The following CTNNA3 variants were observed in gnomAD, a reference collection of about 807,000 sequenced individuals.
CTNNA3 encodes the protein catenin alpha 3.
A neutral mutation model predicts 95.7 loss-of-function variants in CTNNA3; 76 were observed. The observed-to-expected ratio is 0.79, with a 90% CI of 0.66 to 0.96. CTNNA3 has a LOEUF of 0.96. CTNNA3 is among the 40% of genes least tolerant of loss of function. The pLI is 0.00. For missense variants in CTNNA3, 1,191 were observed against 1,089.8 expected (o/e 1.09, Z -1.31); for synonymous variants, 431 against 374.4 (o/e 1.15, Z -1.74).
chr10:66,014,664 A>G (rs1464830147), intron 15 of CTNNA3, among the ~76,000 whole-genome samples: 3 of 152,184 alleles, frequency 2.0e-5, no homozygotes, highest in African/African-American at 7.2e-5. Flanking sequence ...CGCTAGGCCA[A>G]TGTAGCTACT....
At chr10:66,136,123 C>A (rs992035063) in intron 13 of CTNNA3, among the ~76,000 whole-genome samples, 3 of 152,032 alleles carry the variant, frequency 2.0e-5, no homozygotes, top group African/African-American at 7.2e-5. Flanking sequence ...AGGATGGTCT[C>A]GATCTCCTGA....
intron 2 of CTNNA3, among the ~76,000 whole-genome samples, chr10:67,638,915 T>C (rs1589520210): frequency 6.6e-6 from 1 of 152,128 alleles, no homozygotes; most frequent in East Asian, 1.9e-4. Flanking sequence ...AGGAAAGATC[T>C]AAAATTGACA....
intron 11 of CTNNA3, among the ~76,000 whole-genome samples, chr10:66,482,473 A>T (rs926056069): frequency 1.3e-5 from 2 of 152,156 alleles, no homozygotes; most frequent in Non-Finnish European, 2.9e-5. Flanking sequence ...ACCAAAGCTT[A>T]GGGGAATTTC....
At chr10:67,620,191 C>T (rs1366077735) in intron 2 of CTNNA3, among the ~76,000 whole-genome samples, 5 of 152,132 alleles carry the variant, frequency 3.3e-5, no homozygotes, top group Non-Finnish European at 7.3e-5. Context: ...CCTGGAGAAA[C>T]CACAGACCCT....
intron 3 of CTNNA3, among the ~76,000 whole-genome samples, chr10:67,554,313 T>C (rs1309818916): frequency 1.3e-5 from 2 of 152,230 alleles, no homozygotes; most frequent in Non-Finnish European, 2.9e-5. Context: ...TTTCTGGTTC[T>C]ACATCCTTGA....
At chr10:66,734,720 G>A (rs541486612) in intron 9 of CTNNA3, among the ~76,000 whole-genome samples, 122 of 151,934 alleles carry the variant, frequency 8.0e-4, no homozygotes, top group Middle Eastern at 3.4e-3. Context: ...AAAATTAGCC[G>A]GGCGTGGTGG....
chr10:66,466,253 C>A (rs116713981), intron 11 of CTNNA3, among the ~76,000 whole-genome samples: 2 of 150,294 alleles, frequency 1.3e-5, no homozygotes, highest in Non-Finnish European at 3.0e-5. Flanking sequence ...TGCCAGTCTC[C>A]GAAATTGTAC....
chr10:67,000,819 T>G (rs1241460862), intron 7 of CTNNA3, among the ~76,000 whole-genome samples: 1 of 152,110 alleles, frequency 6.6e-6, no homozygotes, highest in Non-Finnish European at 1.5e-5. Flanking sequence ...CCAGTGCAAT[T>G]CTGTAAAAGC....
chr10:66,734,310 T>A (rs1365904260), intron 9 of CTNNA3, among the ~76,000 whole-genome samples: 1 of 152,074 alleles, frequency 6.6e-6, no homozygotes, highest in Admixed American at 6.5e-5. Flanking sequence ...CCAGTAATTA[T>A]CTTCCTTATT....
intron 10 of CTNNA3, among the ~76,000 whole-genome samples, chr10:66,606,525 C>T (rs1844128793): frequency 6.6e-6 from 1 of 152,136 alleles, no homozygotes; most frequent in African/African-American, 2.4e-5. Flanking sequence ...ACATAACACA[C>T]TCCTCAGCAA....
intron 14 of CTNNA3, among the ~76,000 whole-genome samples, chr10:66,102,852 T>C (rs897592012): frequency 6.6e-6 from 1 of 152,148 alleles, no homozygotes; most frequent in Non-Finnish European, 1.5e-5. Context: ...TCGTTTCTTT[T>C]TTCTAGTCTA....
chr10:67,404,974 A>C (rs973535159), intron 5 of CTNNA3, among the ~76,000 whole-genome samples: 1 of 152,120 alleles, frequency 6.6e-6, no homozygotes, highest in Admixed American at 6.6e-5. Context: ...GCTTCATAAG[A>C]GAAGAAATAA....
At chr10:67,040,257 G>C (rs1854312439) in intron 7 of CTNNA3, among the ~76,000 whole-genome samples, 1 of 152,062 alleles carries the variant, frequency 6.6e-6, no homozygotes, top group South Asian at 2.1e-4. Context: ...GTGATCCTAA[G>C]GGTTCCAGAT....
intron 12 of CTNNA3, among the ~76,000 whole-genome samples, chr10:66,288,928 A>G (rs945019953): frequency 2.6e-5 from 4 of 152,202 alleles, no homozygotes; most frequent in African/African-American, 9.6e-5. Context: ...ATTGGTCAAC[A>G]TGTATCTTCC....
chr10:66,167,486 T>TCA (rs1564721725), intron 13 of CTNNA3, among the ~76,000 whole-genome samples: 10 of 152,196 alleles, frequency 6.6e-5, no homozygotes, highest in Non-Finnish European at 1.2e-4. Flanking sequence ...TAACGTCTTT[T>TCA]GAAGTTCCTA....
At chr10:67,614,449 G>A (rs970078823) in intron 2 of CTNNA3, among the ~76,000 whole-genome samples, 4 of 152,116 alleles carry the variant, frequency 2.6e-5, no homozygotes, top group Middle Eastern at 3.2e-3. Context: ...ACAACTAGAC[G>A]GTCCCATCTG....
intron 7 of CTNNA3, among the ~76,000 whole-genome samples, chr10:67,143,332 GA>G (rs1860681391): frequency 6.8e-6 from 1 of 147,524 alleles, no homozygotes; most frequent in Non-Finnish European, 1.5e-5. Flanking sequence ...TGGGACAGAA[GA>G]ATTGTTTGAA....
At chr10:66,783,447 T>C (rs1421551697) in intron 7 of CTNNA3, among the ~76,000 whole-genome samples, 1 of 152,192 alleles carries the variant, frequency 6.6e-6, no homozygotes, top group Non-Finnish European at 1.5e-5. Flanking sequence ...TGAGTCACCA[T>C]CAGAGGATCT....
chr10:67,219,942 T>C (rs1864575213), intron 5 of CTNNA3, 72 bp from the exon 6 acceptor site: 3 of 1,239,830 alleles, frequency 2.4e-6, no homozygotes, highest in Non-Finnish European at 2.2e-6. Context: ...AAAAAGCTTC[T>C]TTTTTTGTAA....
Sources: gnomAD v4.1 joint callset for allele counts (sites outside exome capture counted in the v4.1 genomes callset) on GRCh38, gnomAD v4.1.1 for gene constraint, MANE v1.5 for transcripts, NCBI Gene and HGNC (gene_info 2026-07-23, HGNC 2026-07-21) for gene names.